The following SLC25A12 variants were observed in gnomAD, a reference collection of about 807,000 sequenced individuals.
SLC25A12 encodes the protein electrogenic aspartate/glutamate antiporter SLC25A12, mitochondrial.
SLC25A12 carries 32 observed loss-of-function variants against 83.3 expected under a neutral mutation model. That is an observed-to-expected ratio of 0.38 (90% CI 0.29 to 0.52). The LOEUF is 0.52. Ranked by LOEUF, SLC25A12 falls within the 20% of genes least tolerant of loss-of-function variation. The probability of loss-of-function intolerance (pLI) is 0.84; values close to 1 mark genes in which losing one functional copy is unlikely to be tolerated. For missense variants in SLC25A12, 611 were observed against 835.6 expected (o/e 0.73, Z 3.31); for synonymous variants, 267 against 291.1 (o/e 0.92, Z 0.84).
intron 9 of SLC25A12, among the ~76,000 whole-genome samples, chr2:171,824,961 G>A (rs899731973): frequency 7.3e-5 from 11 of 151,600 alleles, no homozygotes; most frequent in African/African-American, 1.7e-4. Context: ...ACGCCATCAC[G>A]CCTGGCTAAT....
At chr2:171,796,459 T>C (rs1347347745) in intron 13 of SLC25A12, among the ~76,000 whole-genome samples, 3 of 152,172 alleles carry the variant, frequency 2.0e-5, no homozygotes, top group Non-Finnish European at 2.9e-5. Context: ...TTCATGCCTA[T>C]GTTTGAAGGA....
rs553676910 is a variant in SLC25A12, at chr2:171,893,800, G to A, written c.12+403C>T. ...CAACCACTGCCCTCGGCCTTATTGA[G>A]GCCCCAAATTACTCAATACTTACTC... is the stretch of plus-strand genomic sequence containing the variant. On this transcript the variant is annotated intron_variant, in intron 1 of 17. Coordinates refer to ENST00000422440, the MANE Select transcript of SLC25A12 (RefSeq NM_003705.5). 4.7e-4 allele frequency among the ~76,000 whole-genome samples: 71 copies of A among 152,176 alleles called. 1 individual carries two copies. Among genetic ancestry groups the A allele is most frequent in the Middle Eastern group, 6.8e-3 (2 of 294 alleles).
At chr2:171,832,880 A>G (rs1053319051) in intron 8 of SLC25A12, among the ~76,000 whole-genome samples, 2 of 152,218 alleles carry the variant, frequency 1.3e-5, no homozygotes, top group African/African-American at 2.4e-5. Context: ...TGTTGTTTTT[A>G]TATCAACCAA....
At chr2:171,796,634 A>C (rs1004625469) in intron 13 of SLC25A12, among the ~76,000 whole-genome samples, 3 of 151,974 alleles carry the variant, frequency 2.0e-5, no homozygotes, top group African/African-American at 7.2e-5. Flanking sequence ...CAAGACCCCT[A>C]TCTCTTAAAA....
chr2:171,834,335 C>A, intron 7 of SLC25A12: 1 of 443,652 alleles, frequency 2.3e-6, no homozygotes. Context: ...CTTGCTTATT[C>A]ACTTTGTTCT....
chr2:171,844,420 C>T lies in SLC25A12; in HGVS notation c.414G>A (p.Gly138=), dbSNP rs1684748983. ...WDCEFIRLHF[G]HNRKKHLNYT... ...AGTTAAGATGCTTCTTCCGGTTATG[C>T]CCAAAATGCAGTCGGATAAATTCAC... The change falls in exon 5 of 18, where the codon GGG becomes GGA. Residue 138 remains glycine (G), a synonymous_variant. Coordinates refer to ENST00000422440, the MANE Select transcript of SLC25A12 (RefSeq NM_003705.5). 1.2e-6 allele frequency: 2 copies of T among 1,613,892 alleles called. No individual in the cohort carries two copies. Among genetic ancestry groups the T allele is most frequent in the African/African-American group, 1.3e-5 (1 of 75,028 alleles).
intron 9 of SLC25A12, among the ~76,000 whole-genome samples, chr2:171,815,847 C>T (rs1466366252): frequency 6.6e-6 from 1 of 151,996 alleles, no homozygotes; most frequent in Non-Finnish European, 1.5e-5. Context: ...AAAAGACCTT[C>T]TATACTATGT....
At position 171,815,188 on chromosome 2, in the gene SLC25A12, T is replaced by C; in HGVS notation, c.945A>G (p.Leu315=). The C allele has an allele frequency of 6.2e-7, 1 of 1,613,512 alleles. No homozygotes were observed. The highest frequency in any genetic ancestry group is 8.5e-7 in the Non-Finnish European group (1 of 1,179,618). Residue 315 remains leucine (L), a synonymous_variant, in exon 10 of 18, where the codon TTA becomes TTG. Transcript: ENST00000422440. Reference sequence around the variant, plus strand: ...CAATCTGGAGCCAGATAGGCCTGCCTAACCCAGGAGACTGCTGCAGAGAAG... The same window carrying C: ...CAATCTGGAGCCAGATAGGCCTGCCCAACCCAGGAGACTGCTGCAGAGAAG... ...AELQRQQSPG[L]GRPIWLQIAE... is the part of the protein sequence containing the mutation.
intron 14 of SLC25A12, among the ~76,000 whole-genome samples, chr2:171,792,242 C>T (rs1574674492): frequency 6.6e-6 from 1 of 152,096 alleles, no homozygotes; most frequent in East Asian, 1.9e-4. Flanking sequence ...TAGGCAAACA[C>T]TCCACCTTGG....
intron 3 of SLC25A12, 112 bp from the exon 4 acceptor site, chr2:171,856,061 G>A: frequency 1.4e-6 from 1 of 731,462 alleles, no homozygotes; most frequent in East Asian, 2.5e-5. Context: ...AATTGATAAA[G>A]GGTAGTTTGT....
rs779748917 is a variant in SLC25A12 at position 171,785,202 on chromosome 2, A to T, written c.*72T>A. 18 of 1,383,094 alleles carry T rather than the reference A, an allele frequency of 1.3e-5. No homozygotes were observed. The highest frequency in any genetic ancestry group is 1.9e-5 in the Non-Finnish European group (18 of 972,506). 85.7% of individuals were successfully genotyped at this position (1,383,094 alleles called of 1,614,324 possible). A position where few individuals can be genotyped will look rare whatever the true frequency, so the allele number is the denominator to read the frequency against. On this transcript the variant is annotated 3_prime_UTR_variant, in exon 18 of 18. Coordinates refer to ENST00000422440, the MANE Select transcript of SLC25A12 (RefSeq NM_003705.5). ...CAGTCAGTACCATGCAGCTGACTGG[A>T]TACATTACAGGGCTGCTCTCCTAGG...
At chr2:171,834,172 A>T (rs918245264) in intron 7 of SLC25A12, 116 bp from the exon 8 acceptor site, 4 of 663,284 alleles carry the variant, frequency 6.0e-6, no homozygotes, top group Admixed American at 2.6e-5. Context: ...TATCATTTTT[A>T]AAATCTAAAA....
At chr2:171,826,095 T>C (rs1419230544) in intron 9 of SLC25A12, among the ~76,000 whole-genome samples, 1 of 152,234 alleles carries the variant, frequency 6.6e-6, no homozygotes, top group African/African-American at 2.4e-5. Flanking sequence ...GAATGATTTA[T>C]TTAATTTGAG....
chr2:171,787,298 C>A (rs1000442485), intron 17 of SLC25A12, among the ~76,000 whole-genome samples: 1 of 152,208 alleles, frequency 6.6e-6, no homozygotes, highest in East Asian at 1.9e-4. Flanking sequence ...GCACTCCAGC[C>A]TGGGCAACAG....
At position 171,783,692 on chromosome 2, in the gene SLC25A12, T is replaced by C. The variant is rs1690436594; in HGVS notation, c.*1582A>G. On this transcript the variant is annotated 3_prime_UTR_variant, in exon 18 of 18. Coordinates refer to ENST00000422440, the MANE Select transcript of SLC25A12 (RefSeq NM_003705.5). ...TACATAGGATTCTTTTGTAATCACA[T>C]ATCCATGGACTACTTATATATTTCT... is the stretch of plus-strand genomic sequence containing the variant. 6.6e-6 allele frequency among the ~76,000 whole-genome samples: 1 copy of C among 152,260 alleles called. No individual in the cohort carries two copies.
chr2:171,847,487 T>C (rs1473583788), intron 4 of SLC25A12, among the ~76,000 whole-genome samples: 3 of 152,350 alleles, frequency 2.0e-5, no homozygotes, highest in African/African-American at 4.8e-5. Context: ...GGAACACCAA[T>C]AGTCTCAAAT....
At position 171,834,576 on chromosome 2, in the gene SLC25A12, G is replaced by A. The variant is rs972145835; in HGVS notation, c.751+151C>T. 1.1e-5 allele frequency: 10 copies of A among 893,856 alleles called. No homozygotes were observed. In the Admixed American group the frequency reaches 1.3e-4, roughly 12 times the overall value. 55.4% of individuals were successfully genotyped at this position (893,856 alleles called of 1,614,324 possible). A position where few individuals can be genotyped will look rare whatever the true frequency, so the allele number is the denominator to read the frequency against. On this transcript the variant is annotated intron_variant, in intron 7 of 17. Coordinates refer to ENST00000422440, the MANE Select transcript of SLC25A12 (RefSeq NM_003705.5). ...CCTCAGTATCACATTAAATCCACCT[G>A]GATTTTTGGAGCCCAAGTAAAGCAT...
intron 13 of SLC25A12, among the ~76,000 whole-genome samples, chr2:171,795,680 CA>C (rs1340743135): frequency 6.6e-6 from 1 of 152,124 alleles, no homozygotes; most frequent in Non-Finnish European, 1.5e-5. Context: ...TAAATGTGGA[CA>C]TTATGTTTAA....
chr2:171,849,627 A>C (rs913770514), intron 4 of SLC25A12, among the ~76,000 whole-genome samples: 2 of 146,796 alleles, frequency 1.4e-5, no homozygotes, highest in Non-Finnish European at 3.0e-5. Flanking sequence ...GCAGTGGCAC[A>C]ATCTCAGCTC....
Sources: gnomAD v4.1 joint callset for allele counts (sites outside exome capture counted in the v4.1 genomes callset) on GRCh38, gnomAD v4.1.1 for gene constraint, MANE v1.5 for transcripts, NCBI Gene and HGNC (gene_info 2026-07-23, HGNC 2026-07-21) for gene names.